RPS6KA2: variants seen among roughly 807,000 people sequenced by gnomAD.
RPS6KA2 encodes ribosomal protein S6 kinase alpha-2.
RPS6KA2 carries 42 observed loss-of-function variants against 91.8 expected under a neutral mutation model. The ratio of observed to expected loss-of-function variants is 0.46; its 90% confidence interval spans 0.36 to 0.59. RPS6KA2 has a LOEUF of 0.59. Among genes scored for constraint, RPS6KA2 ranks in the 20% least tolerant of loss-of-function variants. The pLI, the probability that RPS6KA2 is intolerant of heterozygous loss-of-function variation, is 0.00. For synonymous variants in RPS6KA2, 414 were observed against 393.6 expected (o/e 1.05, Z -0.61); for missense variants, 798 against 978.5 (o/e 0.82, Z 2.46).
Position 166,459,305 on chromosome 6 carries a change from C to T in RPS6KA2, c.1075+144G>A. The T allele has an allele frequency of 1.7e-6, 1 of 602,628 alleles. No individual in the cohort carries two copies. Among genetic ancestry groups the T allele is most frequent in the Non-Finnish European group, 2.9e-6 (1 of 339,074 alleles). The allele number at this position is 602,628 out of a possible 1,614,324, so 37.3% of individuals were successfully genotyped here. A position where few individuals can be genotyped will look rare whatever the true frequency, so the allele number is the denominator to read the frequency against. ...AACCTTTATCACTGAGCAGAGAAAA[C>T]AACAACAAAAAACCCAAACAGAATG... On this transcript the variant is annotated intron_variant, in intron 12 of 20. Coordinates refer to ENST00000265678, the MANE Select transcript of RPS6KA2 (RefSeq NM_021135.6). The surrounding 1 kb of genome is among the most constrained non-coding windows in gnomAD (Gnocchi z 4.9).
Position 166,540,941 on chromosome 6 carries a change from C to T in RPS6KA2, c.100-2157G>A, listed in dbSNP as rs3799640. On this transcript the variant is annotated intron_variant, in intron 1 of 20. Coordinates refer to ENST00000265678, the MANE Select transcript of RPS6KA2 (RefSeq NM_021135.6). The stretch of plus-strand genomic sequence containing the variant: ...TATGCTATCTTTTCCCGTCATTGAC[C>T]TACGAAAGGAAGAAAGAAATTGCAG... Among the ~76,000 whole-genome samples the T allele has an allele frequency of 5.5e-4, 84 of 152,276 alleles. 5 individuals carry two copies. In the East Asian group the frequency reaches 0.015, roughly 28 times the overall value.
At chr6:166,446,127 A>C (rs1213279434) in intron 14 of RPS6KA2, among the ~76,000 whole-genome samples, 1 of 152,236 alleles carries the variant, frequency 6.6e-6, no homozygotes, top group Non-Finnish European at 1.5e-5. Context: ...GACCCATTCT[A>C]AATAACAAGC....
Position 166,611,798 on chromosome 6 carries a change from T to G in RPS6KA2, c.99+15123A>C, listed in dbSNP as rs113787329. On this transcript the variant is annotated intron_variant, in intron 1 of 20. Coordinates refer to ENST00000265678, the MANE Select transcript of RPS6KA2 (RefSeq NM_021135.6). ...AAAACCGCAAGTCAGGACTCCACGTTTCCATGTTTCTCCACAGCCACTGGG... is the reference window on the plus strand; with the variant it reads ...AAAACCGCAAGTCAGGACTCCACGTGTCCATGTTTCTCCACAGCCACTGGG... Among the ~76,000 whole-genome samples, 624 of 152,294 alleles carry G rather than the reference T, an allele frequency of 4.1e-3. 4 individuals are homozygous for G. The highest frequency in any genetic ancestry group is 0.014 in the African/African-American group (581 of 41,562).
rs1222283991 is a variant in RPS6KA2 at position 166,557,265 on chromosome 6, A to G, written c.100-18481T>C. Among the ~76,000 whole-genome samples, 1 of 152,228 alleles carries G rather than the reference A, an allele frequency of 6.6e-6. No homozygotes were observed. Among genetic ancestry groups the G allele is most frequent in the African/African-American group, 2.4e-5 (1 of 41,466 alleles). ...GCAGAGGGTAGCTCCTGCCGGGGTGAGGACCGTGGGCGCGGAGCATGCTTC... is the reference window on the plus strand; with the variant it reads ...GCAGAGGGTAGCTCCTGCCGGGGTGGGGACCGTGGGCGCGGAGCATGCTTC... On this transcript the variant is annotated intron_variant, in intron 1 of 20. Transcript: ENST00000265678. This position sits in a 1 kb window ranked among gnomAD's most constrained non-coding sequence, Gnocchi z 4.8.
At chr6:166,474,780 C>G (rs778347945) in intron 10 of RPS6KA2, among the ~76,000 whole-genome samples, 18 of 152,304 alleles carry the variant, frequency 1.2e-4, no homozygotes, top group Admixed American at 2.6e-4. Flanking sequence ...GCCAACACCA[C>G]ACCCAGGGTC....
rs976226426 is a variant in RPS6KA2 at position 166,666,920 on chromosome 6, T to C, written c.124-128136A>G. Among the ~76,000 whole-genome samples, 3 of 152,048 alleles carry C rather than the reference T, an allele frequency of 2.0e-5. No homozygotes were observed. Among genetic ancestry groups the C allele is most frequent in the Non-Finnish European group, 4.4e-5 (3 of 68,008 alleles). ...AGCAGAGTGCGGTGTAGGCACACAA[T>C]GGAAGGAAATGACGACGCACGTTGC... is the stretch of plus-strand genomic sequence containing the variant. On this transcript the variant is annotated intron_variant, in intron 2 of 21. Coordinates refer to the RPS6KA2 transcript ENST00000503859. This position sits in a 1 kb window ranked among gnomAD's most constrained non-coding sequence, Gnocchi z 4.0.
intron 2 of RPS6KA2, among the ~76,000 whole-genome samples, chr6:166,638,103 G>A (rs1479583001): frequency 1.3e-5 from 2 of 152,274 alleles, no homozygotes; most frequent in Non-Finnish European, 2.9e-5. Context: ...AATTTAAAGT[G>A]GTCTTGAGTT....
At chr6:166,759,309 T>C (rs1224185100) in intron 2 of RPS6KA2, among the ~76,000 whole-genome samples, 1 of 152,192 alleles carries the variant, frequency 6.6e-6, no homozygotes, top group Non-Finnish European at 1.5e-5. Flanking sequence ...TTTTTTTCTA[T>C]TCTGGAGCCG....
At chr6:166,600,194 A>G (rs898678561) in intron 1 of RPS6KA2, among the ~76,000 whole-genome samples, 2 of 152,156 alleles carry the variant, frequency 1.3e-5, no homozygotes, top group African/African-American at 2.4e-5. Flanking sequence ...TGTTTTTAGT[A>G]CAGACAAGGT....
At chr6:166,569,641 A>T (rs528351360) in intron 1 of RPS6KA2, among the ~76,000 whole-genome samples, 1 of 152,290 alleles carries the variant, frequency 6.6e-6, no homozygotes, top group African/African-American at 2.4e-5. Context: ...CAGGGGCCAC[A>T]TCGTAGGCTG....
intron 11 of RPS6KA2, among the ~76,000 whole-genome samples, chr6:166,467,383 A>G (rs2128463844): frequency 6.6e-6 from 1 of 152,364 alleles, no homozygotes; most frequent in Middle Eastern, 3.4e-3. Context: ...ACAGAAAATA[A>G]TAATATACAT....
Position 166,603,989 on chromosome 6 carries a change from G to T in RPS6KA2, c.99+22932C>A, listed in dbSNP as rs959125935. Among the ~76,000 whole-genome samples, 1 of 152,162 alleles carries T rather than the reference G, an allele frequency of 6.6e-6. No individual in the cohort carries two copies. Among genetic ancestry groups the T allele is most frequent in the Non-Finnish European group, 1.5e-5 (1 of 68,036 alleles). On this transcript the variant is annotated intron_variant, in intron 1 of 20. Coordinates refer to ENST00000265678, the MANE Select transcript of RPS6KA2 (RefSeq NM_021135.6). The surrounding 1 kb of genome is among the most constrained non-coding windows in gnomAD (Gnocchi z 4.3). Reference sequence around the variant, plus strand: ...CTAACGTGTCCCTCCTAGAAGTCACGAAGAGAAAAGGGCGAGACTATGAAA... The same window carrying T: ...CTAACGTGTCCCTCCTAGAAGTCACTAAGAGAAAAGGGCGAGACTATGAAA...
At chr6:166,835,892 T>C (rs1780305505) in intron 2 of RPS6KA2, among the ~76,000 whole-genome samples, 1 of 152,226 alleles carries the variant, frequency 6.6e-6, no homozygotes. Context: ...ATATTGAGGA[T>C]GTTTCTTTTT....
At chr6:166,518,605 G>C (rs1488963744) in intron 3 of RPS6KA2, among the ~76,000 whole-genome samples, 3 of 152,150 alleles carry the variant, frequency 2.0e-5, no homozygotes, top group Non-Finnish European at 4.4e-5. Context: ...GTTTTTATAA[G>C]AATGTTCTGT....
chr6:166,433,912 C>T lies in RPS6KA2; in HGVS notation c.1333-1422G>A, dbSNP rs1419046539. Among the ~76,000 whole-genome samples, 1 of 151,822 alleles carries T rather than the reference C, an allele frequency of 6.6e-6. No homozygotes were observed. Among genetic ancestry groups the T allele is most frequent in the Non-Finnish European group, 1.5e-5 (1 of 67,946 alleles). ...TAGGACTACAGAGGTGTGTGCCACC[C>T]TACTCAGCTAATTTTTAAATTCTTT... is the stretch of plus-strand genomic sequence containing the variant. On this transcript the variant is annotated intron_variant, in intron 14 of 20. Transcript: ENST00000265678. The surrounding 1 kb of genome is among the most constrained non-coding windows in gnomAD (Gnocchi z 4.4).
intron 2 of RPS6KA2, among the ~76,000 whole-genome samples, chr6:166,691,139 T>C (rs1789195498): frequency 6.6e-6 from 1 of 152,118 alleles, no homozygotes; most frequent in Non-Finnish European, 1.5e-5. Context: ...TGTCATAATG[T>C]TGCTTCTCCT....
In RPS6KA2 at chr6:166,418,802, A is replaced by G. The variant is rs1230114317; in HGVS notation, c.1821-460T>C. On this transcript the variant is annotated intron_variant, in intron 18 of 20. Coordinates refer to ENST00000265678, the MANE Select transcript of RPS6KA2 (RefSeq NM_021135.6). This position sits in a 1 kb window ranked among gnomAD's most constrained non-coding sequence, Gnocchi z 4.9. ...AGAGTGTATGCACAAATACACATACATGCTTGGTGCAGCTCTGGCCATATT... is the reference window on the plus strand; with the variant it reads ...AGAGTGTATGCACAAATACACATACGTGCTTGGTGCAGCTCTGGCCATATT... Among the ~76,000 whole-genome samples, 1 of 152,250 alleles carries G rather than the reference A, an allele frequency of 6.6e-6. No homozygotes were observed. Among genetic ancestry groups the G allele is most frequent in the Non-Finnish European group, 1.5e-5 (1 of 68,046 alleles).
In RPS6KA2 at chr6:166,411,950, C is replaced by G. The variant is rs934001201; in HGVS notation, c.*812G>C. 2.6e-5 allele frequency: 4 copies of G among 152,340 alleles called. No homozygotes were observed. Among genetic ancestry groups the G allele is most frequent in the Non-Finnish European group, 5.9e-5 (4 of 68,128 alleles). The allele number at this position is 152,340 out of a possible 1,614,324, so 9.4% of individuals were successfully genotyped here. On this transcript the variant is annotated 3_prime_UTR_variant, in exon 21 of 21. Transcript: ENST00000265678. This position sits in a 1 kb window ranked among gnomAD's most constrained non-coding sequence, Gnocchi z 4.5. ...GACTCCCTGCAAAGCCTCCAGATAGCTGTGTGGCCACGGGAGCTGGGGACA... is the reference window on the plus strand; with the variant it reads ...GACTCCCTGCAAAGCCTCCAGATAGGTGTGTGGCCACGGGAGCTGGGGACA...
chr6:166,799,966 C>T (rs893037191), intron 2 of RPS6KA2, among the ~76,000 whole-genome samples: 8 of 152,190 alleles, frequency 5.3e-5, no homozygotes, highest in African/African-American at 1.9e-4. Flanking sequence ...TCAGGAGATG[C>T]GCTAAGCACA....
Sources: gnomAD v4.1 joint callset for allele counts (sites outside exome capture counted in the v4.1 genomes callset) on GRCh38, gnomAD v4.1.1 for gene constraint, Gnocchi (gnomAD v3.1) non-coding constraint, MANE v1.5 for transcripts, NCBI Gene and HGNC (gene_info 2026-07-23, HGNC 2026-07-21) for gene names.